Variants in ARB2A observed in about 807,000 individuals in gnomAD.
The protein encoded by ARB2A is ARB2 cotranscriptional regulator A, also known as cotranscriptional regulator ARB2A.
At chr5:94,012,124 C>T in the ARB2A span, among the ~76,000 whole-genome samples, 1 of 152,018 alleles carries the variant, frequency 6.6e-6, no homozygotes, top group African/African-American at 2.4e-5. Context: ...AAGATGGGGC[C>T]AGGCGCAGTG....
At chr5:93,857,036 C>G in the ARB2A span, among the ~76,000 whole-genome samples, 2 of 152,146 alleles carry the variant, frequency 1.3e-5, no homozygotes, top group Non-Finnish European at 2.9e-5. Flanking sequence ...TTGGAGTTTG[C>G]TAGAGGTCCA....
the ARB2A span, among the ~76,000 whole-genome samples, chr5:94,071,716 A>T: frequency 6.6e-6 from 1 of 152,118 alleles, no homozygotes; most frequent in South Asian, 2.1e-4. Context: ...AATAATACCA[A>T]ATGCTGAGGA....
the ARB2A span, among the ~76,000 whole-genome samples, chr5:93,928,924 G>A: frequency 6.6e-6 from 1 of 151,604 alleles, no homozygotes; most frequent in African/African-American, 2.4e-5. Flanking sequence ...CATATTTTCT[G>A]TATTAAATTG....
chr5:93,938,582 T>C, the ARB2A span, among the ~76,000 whole-genome samples: 2 of 152,226 alleles, frequency 1.3e-5, no homozygotes, highest in African/African-American at 4.8e-5. Flanking sequence ...ACAGCATTTA[T>C]TAATTTTGTA....
the ARB2A span, chr5:93,784,294 G>A: frequency 1.3e-6 from 1 of 761,390 alleles, no homozygotes; most frequent in Non-Finnish European, 2.2e-6. Flanking sequence ...AAGGGAGTTT[G>A]AGGATGGGAG....
the ARB2A span, among the ~76,000 whole-genome samples, chr5:93,846,000 G>GAC: frequency 0.011 from 1,647 of 146,732 alleles, 19 homozygotes; most frequent in African/African-American, 0.025. Flanking sequence ...CTCTCTCTGT[G>GAC]ACACACACAC....
At chr5:93,630,942 G>A in the ARB2A span, among the ~76,000 whole-genome samples, 1 of 152,014 alleles carries the variant, frequency 6.6e-6, no homozygotes, top group African/African-American at 2.4e-5. Flanking sequence ...ACCCAGGCTG[G>A]AGTGCAATGG....
chr5:93,636,398 G>A, the ARB2A span, among the ~76,000 whole-genome samples: 1 of 152,208 alleles, frequency 6.6e-6, no homozygotes, highest in Non-Finnish European at 1.5e-5. Flanking sequence ...TGGAGAAGGA[G>A]CTTTTGGGAG....
the ARB2A span, among the ~76,000 whole-genome samples, chr5:94,101,434 C>A: frequency 6.6e-6 from 1 of 152,108 alleles, no homozygotes; most frequent in Non-Finnish European, 1.5e-5. Flanking sequence ...CGCTGCAATA[C>A]CATCACCGGG....
chr5:94,097,100 C>T, the ARB2A span, among the ~76,000 whole-genome samples: 40,439 of 151,952 alleles, frequency 0.27, 5,642 homozygotes, highest in South Asian at 0.49. Flanking sequence ...CAGCCAGGGA[C>T]GGCTATCCCC....
the ARB2A span, among the ~76,000 whole-genome samples, chr5:93,654,579 C>G: frequency 6.6e-6 from 1 of 152,142 alleles, no homozygotes; most frequent in Non-Finnish European, 1.5e-5. Context: ...TTTTAGCATA[C>G]TATGTTTTTC....
At chr5:93,620,735 T>G in the ARB2A span, 2 of 374,550 alleles carry the variant, frequency 5.3e-6, no homozygotes, top group African/African-American at 2.1e-5. Flanking sequence ...CTGTCAGCCT[T>G]AATGTGAGCG....
chr5:93,904,776 A>G, the ARB2A span, among the ~76,000 whole-genome samples: 1 of 151,708 alleles, frequency 6.6e-6, no homozygotes, highest in Non-Finnish European at 1.5e-5. Context: ...GGAGATTTTG[A>G]ACTCTTATAA....
At chr5:94,093,830 A>G in the ARB2A span, among the ~76,000 whole-genome samples, 1 of 152,226 alleles carries the variant, frequency 6.6e-6, no homozygotes, top group South Asian at 2.1e-4. Flanking sequence ...CTCCAGCTGT[A>G]AACCTGTGAA....
the ARB2A span, among the ~76,000 whole-genome samples, chr5:93,765,265 G>A: frequency 6.6e-6 from 1 of 152,174 alleles, no homozygotes; most frequent in African/African-American, 2.4e-5. Context: ...GTCCCTGTTT[G>A]CAGACGACGT....
the ARB2A span, among the ~76,000 whole-genome samples, chr5:93,900,801 T>C: frequency 6.6e-6 from 1 of 151,938 alleles, no homozygotes; most frequent in African/African-American, 2.4e-5. Flanking sequence ...AGAAGCAAAA[T>C]TGAGCAATAG....
chr5:93,876,340 G>A, the ARB2A span, among the ~76,000 whole-genome samples: 1 of 152,170 alleles, frequency 6.6e-6, no homozygotes, highest in Admixed American at 6.5e-5. Flanking sequence ...TTCCTGCCAG[G>A]CAAGTCTGAC....
the ARB2A span, among the ~76,000 whole-genome samples, chr5:93,711,759 C>T: frequency 2.0e-5 from 3 of 152,244 alleles, no homozygotes; most frequent in South Asian, 2.1e-4. Context: ...GCATGATTGG[C>T]TGTGAAAACC....
the ARB2A span, among the ~76,000 whole-genome samples, chr5:93,817,598 C>T: frequency 6.6e-6 from 1 of 152,128 alleles, no homozygotes; most frequent in Admixed American, 6.5e-5. Flanking sequence ...GTAATCAAGT[C>T]AGTGTGGTAC....
Sources: allele counts gnomAD v4.1 joint callset (sites outside exome capture counted in the v4.1 genomes callset), GRCh38; gene constraint gnomAD v4.1.1; transcripts MANE v1.5; gene names NCBI Gene and HGNC (gene_info 2026-07-23, HGNC 2026-07-21).